The following DISC1 variants were observed in gnomAD, a reference collection of about 807,000 sequenced individuals.
DISC1 encodes the protein DISC1 scaffold protein.
DISC1 carries 57 observed loss-of-function variants against 84.5 expected under a neutral mutation model. That is an observed-to-expected ratio of 0.67 (90% CI 0.55 to 0.84). The LOEUF (loss-of-function observed/expected upper bound fraction) is 0.84, where lower values mean the gene tolerates loss of function less well. Ranked by LOEUF, DISC1 falls within the 40% of genes least tolerant of loss-of-function variation. The pLI, the probability that DISC1 is intolerant of heterozygous loss-of-function variation, is 0.00. For synonymous variants in DISC1, 411 were observed against 415.2 expected (o/e 0.99, Z 0.12); for missense variants, 1,000 against 1,057.8 (o/e 0.95, Z 0.76).
At chr1:231,959,609 G>A in intron 10 of DISC1, 1 of 660,520 alleles carries the variant, frequency 1.5e-6, no homozygotes, top group South Asian at 6.7e-5. Flanking sequence ...TTGTCTGCTA[G>A]GACGCTGTCT....
intron 9 of DISC1, among the ~76,000 whole-genome samples, chr1:231,884,161 C>T (rs1006310862): frequency 6.6e-6 from 1 of 152,198 alleles, no homozygotes; most frequent in Non-Finnish European, 1.5e-5. Context: ...ACTGATGTAC[C>T]TGCTCTGCAG....
At chr1:231,853,326 T>C (rs1285255943) in intron 9 of DISC1, among the ~76,000 whole-genome samples, 1 of 152,202 alleles carries the variant, frequency 6.6e-6, no homozygotes, top group East Asian at 1.9e-4. Context: ...GTGAACGTCA[T>C]AGAGTGTACT....
At chr1:232,029,663 T>C (rs1025703615) in intron 12 of DISC1, among the ~76,000 whole-genome samples, 1 of 152,224 alleles carries the variant, frequency 6.6e-6, no homozygotes. Context: ...TAAGTCCACA[T>C]TGGAATGTGA....
rs188472238 is a variant in DISC1 at position 231,833,573 on chromosome 1, C to T, written c.1981+15056C>T. 9.6e-3 allele frequency among the ~76,000 whole-genome samples: 1,462 copies of T among 151,846 alleles called. 70 individuals carry two copies. The highest frequency in any genetic ancestry group is 0.032 in the African/African-American group (1,332 of 41,140). On this transcript the variant is annotated intron_variant, in intron 9 of 12. Coordinates refer to ENST00000439617, the MANE Select transcript of DISC1 (RefSeq NM_018662.3). ...TGGCTGCCAGGTGAGTTGAACAGTCCGATTTTCAGTGGAGTCCCGCACAGA... is the reference window on the plus strand; with the variant it reads ...TGGCTGCCAGGTGAGTTGAACAGTCTGATTTTCAGTGGAGTCCCGCACAGA...
intron 9 of DISC1, among the ~76,000 whole-genome samples, chr1:231,862,489 TTTC>T (rs1420817033): frequency 6.6e-6 from 1 of 152,224 alleles, no homozygotes; most frequent in African/African-American, 2.4e-5. Context: ...GGTAAATTTT[TTTC>T]TTCTGGTTTT....
At chr1:231,802,686 C>A (rs1386358263) in intron 8 of DISC1, among the ~76,000 whole-genome samples, 2 of 152,130 alleles carry the variant, frequency 1.3e-5, no homozygotes, top group Admixed American at 6.6e-5. Context: ...CATCTCTCTT[C>A]TCTTGCATTT....
intron 6 of DISC1, among the ~76,000 whole-genome samples, chr1:231,792,908 A>G (rs2078457409): frequency 6.6e-6 from 1 of 152,218 alleles, no homozygotes; most frequent in Non-Finnish European, 1.5e-5. Flanking sequence ...CAGCTCCTGA[A>G]TTCTGAAGAG....
intron 10 of DISC1, among the ~76,000 whole-genome samples, chr1:232,001,795 A>T (rs978929631): frequency 4.6e-5 from 7 of 152,184 alleles, no homozygotes; most frequent in Admixed American, 3.3e-4. Flanking sequence ...AGGAAAAAAA[A>T]AGGAGTCAGT....
In DISC1 at chr1:231,675,998, G is replaced by A. The variant is rs891571370; in HGVS notation, c.68-17828G>A. 1.2e-4 allele frequency among the ~76,000 whole-genome samples: 18 copies of A among 151,888 alleles called. No individual in the cohort carries two copies. Among genetic ancestry groups the A allele is most frequent in the Admixed American group, 3.3e-4 (5 of 15,238 alleles). The stretch of plus-strand genomic sequence containing the variant: ...TGAGTAGCTGGGATTACAGGCGTGC[G>A]CCTCCACACCCAGCTAATTTTTGTA... On this transcript the variant is annotated intron_variant, in intron 1 of 12. Coordinates refer to ENST00000439617, the MANE Select transcript of DISC1 (RefSeq NM_018662.3). This position sits in a 1 kb window ranked among gnomAD's most constrained non-coding sequence, Gnocchi z 4.1.
intron 10 of DISC1, among the ~76,000 whole-genome samples, chr1:231,999,813 AAACAACAACAACAAC>A (rs71162205): frequency 4.7e-5 from 7 of 150,442 alleles, no homozygotes; most frequent in African/African-American, 1.7e-4. Flanking sequence ...TCAAGCAGAA[AAACAACAACAACAAC>A]AACAACAACA....
rs112204766 is a variant in DISC1 at position 231,664,014 on chromosome 1, A to ATATC, written c.68-29799_68-29796dup. ...AGCTTCAGTTTCATGTGCTAATGCC[A>ATATC]TATCTATCTATCTATCCATCTATCT... On this transcript the variant is annotated intron_variant, in intron 1 of 12. Transcript: ENST00000439617. Among the ~76,000 whole-genome samples the ATATC allele has an allele frequency of 2.8e-3, 420 of 148,790 alleles. 7 individuals carry two copies. The highest frequency in any genetic ancestry group is 9.4e-3 in the East Asian group (47 of 4,984).
At chr1:231,836,855 G>T (rs1396053807) in intron 9 of DISC1, among the ~76,000 whole-genome samples, 1 of 151,950 alleles carries the variant, frequency 6.6e-6, no homozygotes, top group African/African-American at 2.4e-5. Context: ...GGGCCCCACT[G>T]ACTTTCCTGT....
rs535264403 is a variant in DISC1, at chr1:231,668,188, A to G, written c.68-25638A>G. ...CATTAAACATGTCCCTCAACTCCCA[A>G]AGTTTCTTCTTTATTATTACTATGA... On this transcript the variant is annotated intron_variant, in intron 1 of 12. Transcript: ENST00000439617. Among the ~76,000 whole-genome samples, 7 of 152,236 alleles carry G rather than the reference A, an allele frequency of 4.6e-5. No individual in the cohort carries two copies. The South Asian group carries it at 1.5e-3, about 32-fold the overall frequency.
chr1:231,684,289 A>T (rs1001393263), intron 1 of DISC1, among the ~76,000 whole-genome samples: 4 of 152,086 alleles, frequency 2.6e-5, no homozygotes, highest in African/African-American at 9.7e-5. Context: ...CTACGGGGGC[A>T]TATATGCACC....
chr1:231,678,690 C>T (rs1020710280), intron 1 of DISC1, among the ~76,000 whole-genome samples: 6 of 152,096 alleles, frequency 3.9e-5, no homozygotes, highest in South Asian at 2.1e-4. Context: ...TTCCTTGAGA[C>T]GGAGTCTCAC....
chr1:232,019,780 C>G (rs1668785995), intron 11 of DISC1, among the ~76,000 whole-genome samples: 1 of 152,144 alleles, frequency 6.6e-6, no homozygotes, highest in Non-Finnish European at 1.5e-5. Context: ...GCTTGCTTTT[C>G]TCTGCTTCCA....
chr1:232,036,389 C>T (rs1670522484), intron 12 of DISC1, among the ~76,000 whole-genome samples: 1 of 152,200 alleles, frequency 6.6e-6, no homozygotes, highest in South Asian at 2.1e-4. Flanking sequence ...GTCACGCCAA[C>T]TGCATATCAT....
At chr1:231,733,126 G>GTGGTGGTTGTAGCAGAGT (rs1558444581) in intron 3 of DISC1, among the ~76,000 whole-genome samples, 8 of 151,962 alleles carry the variant, frequency 5.3e-5, no homozygotes, top group African/African-American at 1.9e-4. Context: ...GGTAGGAGTG[G>GTGGTGGTTGTAGCAGAGT]TGGTGATAGT....
chr1:231,858,680 A>G (rs946676452), intron 9 of DISC1, among the ~76,000 whole-genome samples: 4 of 151,866 alleles, frequency 2.6e-5, no homozygotes, highest in African/African-American at 9.7e-5. Flanking sequence ...TTTTCTATTC[A>G]CTTTCAAAAA....
Sources: gnomAD v4.1 joint callset for allele counts (sites outside exome capture counted in the v4.1 genomes callset) on GRCh38, gnomAD v4.1.1 for gene constraint, Gnocchi (gnomAD v3.1) non-coding constraint, MANE v1.5 for transcripts, NCBI Gene and HGNC (gene_info 2026-07-23, HGNC 2026-07-21) for gene names.